LRBA: variants seen among roughly 807,000 people sequenced by gnomAD.
The protein encoded by LRBA is LPS responsive beige-like anchor protein.
Under a neutral mutation model 330.0 loss-of-function variants are expected in LRBA, and 176 were observed. The ratio of observed to expected loss-of-function variants is 0.53; its 90% CI spans 0.47 to 0.60. The LOEUF (loss-of-function observed/expected upper bound fraction) is 0.60, where lower values mean the gene tolerates loss of function less well. Among genes scored for constraint, LRBA ranks in the 20% least tolerant of loss-of-function variants. LRBA has a pLI of 0.00. For synonymous variants in LRBA, 1,230 were observed against 1,193.0 expected, an observed-to-expected ratio of 1.03 and a Z score of -0.64; for missense variants, 3,259 against 3,444.8, an observed-to-expected ratio of 0.95 and a Z score of 1.35.
At chr4:150,809,226 T>A (rs1043265185) in intron 31 of LRBA, among the ~76,000 whole-genome samples, 4 of 152,020 alleles carry the variant, frequency 2.6e-5, no homozygotes, top group Admixed American at 2.0e-4. Context: ...TATACAAACA[T>A]ACACACACAC....
At chr4:150,771,911 CCT>C (rs1736624414) in intron 34 of LRBA, among the ~76,000 whole-genome samples, 1 of 152,214 alleles carries the variant, frequency 6.6e-6, no homozygotes, top group South Asian at 2.1e-4. Context: ...TTAAAATTAT[CCT>C]CTGTTGAAGT....
At chr4:150,371,988 C>G (rs1740394630) in intron 47 of LRBA, among the ~76,000 whole-genome samples, 1 of 152,128 alleles carries the variant, frequency 6.6e-6, no homozygotes, top group Admixed American at 6.5e-5. Flanking sequence ...TCTCTGGAAG[C>G]CTTCCTTTTC....
At chr4:150,466,271 A>C (rs962971598) in intron 44 of LRBA, among the ~76,000 whole-genome samples, 8 of 144,646 alleles carry the variant, frequency 5.5e-5, no homozygotes, top group Non-Finnish European at 1.1e-4. Flanking sequence ...ATCTTCCTGG[A>C]ATGAGTAAAT....
intron 30 of LRBA, among the ~76,000 whole-genome samples, chr4:150,824,663 GATC>G (rs1745967698): frequency 6.6e-6 from 1 of 152,138 alleles, no homozygotes; most frequent in African/African-American, 2.4e-5. Flanking sequence ...CAATTGAAAT[GATC>G]ATATGGCTTT....
chr4:150,655,199 A>C (rs533484523), intron 37 of LRBA, among the ~76,000 whole-genome samples: 15 of 152,334 alleles, frequency 9.8e-5, no homozygotes, highest in African/African-American at 3.6e-4. Context: ...CATTTTAAAA[A>C]TATAAGCAAA....
intron 4 of LRBA, among the ~76,000 whole-genome samples, chr4:150,926,052 T>A (rs1733850070): frequency 6.6e-6 from 1 of 151,996 alleles, no homozygotes; most frequent in South Asian, 2.1e-4. Flanking sequence ...AAAGTCTCAG[T>A]GAGTTGGAAA....
chr4:150,599,009 T>C lies in LRBA; in HGVS notation c.6044A>G (p.His2015Arg), dbSNP rs779568951. 9.3e-6 allele frequency: 15 copies of C among 1,614,070 alleles called. No individual in the cohort carries two copies. Among genetic ancestry groups the C allele is most frequent in the Non-Finnish European group, 1.1e-5 (13 of 1,179,944 alleles). The part of the protein sequence containing the change: ...PEATLKTAVE[H>R]ATDEDILAKG... Reference sequence around the variant, plus strand: ...CAAGGAATGGTTTATACACTGACCATGTTCCACGGCTGTTTTTAGTGTCGC... The same window carrying C: ...CAAGGAATGGTTTATACACTGACCACGTTCCACGGCTGTTTTTAGTGTCGC... Residue 2015 changes from histidine to arginine, a missense_variant and splice_region_variant, in exon 38 of 57, where the codon CAT becomes CGT. Coordinates refer to ENST00000651943, the MANE Select transcript of LRBA (RefSeq NM_001364905.1).
intron 2 of LRBA, among the ~76,000 whole-genome samples, chr4:150,940,239 TA>T (rs11455731): frequency 1.7e-4 from 24 of 142,402 alleles, no homozygotes; most frequent in South Asian, 6.8e-4. Context: ...CCTGGTCTCT[TA>T]AAAAAAAAAA....
intron 19 of LRBA, among the ~76,000 whole-genome samples, chr4:150,870,939 G>A (rs1353793504): frequency 6.6e-6 from 1 of 152,068 alleles, no homozygotes; most frequent in East Asian, 1.9e-4. Context: ...TTTCAAAGCT[G>A]TACATTACAA....
chr4:150,289,837 A>G (rs1748619299), intron 53 of LRBA, among the ~76,000 whole-genome samples: 1 of 152,270 alleles, frequency 6.6e-6, no homozygotes, highest in Non-Finnish European at 1.5e-5. Flanking sequence ...TAGCAGATAT[A>G]TGATATGGGA....
At chr4:150,816,484 T>C (rs1214471686) in intron 31 of LRBA, among the ~76,000 whole-genome samples, 1 of 151,958 alleles carries the variant, frequency 6.6e-6, no homozygotes, top group African/African-American at 2.4e-5. Context: ...CATCCATATA[T>C]ATGCTTTTAT....
At chr4:150,600,757 T>C (rs1398444521) in intron 37 of LRBA, among the ~76,000 whole-genome samples, 1 of 152,142 alleles carries the variant, frequency 6.6e-6, no homozygotes, top group Non-Finnish European at 1.5e-5. Flanking sequence ...CCACAGAATA[T>C]ACATACAATC....
intron 36 of LRBA, among the ~76,000 whole-genome samples, chr4:150,685,020 A>C (rs1385006958): frequency 4.6e-5 from 7 of 152,098 alleles, no homozygotes; most frequent in Non-Finnish European, 1.5e-5. Context: ...GGCAAAGTTC[A>C]AGATTTAGTT....
At chr4:150,832,292 GTAATTA>G (rs1747324608) in intron 28 of LRBA, among the ~76,000 whole-genome samples, 2 of 152,028 alleles carry the variant, frequency 1.3e-5, no homozygotes, top group African/African-American at 2.4e-5. Flanking sequence ...CAAACAAACA[GTAATTA>G]TAATTATATG....
At chr4:150,539,447 C>T (rs1765080191) in intron 40 of LRBA, among the ~76,000 whole-genome samples, 1 of 152,140 alleles carries the variant, frequency 6.6e-6, no homozygotes, top group African/African-American at 2.4e-5. Flanking sequence ...GTTTATATTA[C>T]TTTCCTTATT....
intron 47 of LRBA, among the ~76,000 whole-genome samples, chr4:150,407,091 G>A (rs953823853): frequency 3.3e-5 from 5 of 152,004 alleles, no homozygotes; most frequent in Non-Finnish European, 5.9e-5. Context: ...CCTCAGTTGA[G>A]GATTTTGAGA....
chr4:151,014,854 G>T lies in LRBA; in HGVS notation c.-212C>A. ...CTCTCTCCCCGAGGCTGACAACAAC[G>T]CCAAACCCTATTGGAAGATTAAATA... On this transcript the variant is annotated 5_prime_UTR_variant, in exon 2 of 57. Coordinates refer to ENST00000651943, the MANE Select transcript of LRBA (RefSeq NM_001364905.1). 1.8e-6 allele frequency: 1 copy of T among 546,714 alleles called. No individual in the cohort carries two copies. Among genetic ancestry groups the T allele is most frequent in the Non-Finnish European group, 3.2e-6 (1 of 307,770 alleles). The allele number at this position is 546,714 out of a possible 1,614,324, so 33.9% of individuals were successfully genotyped here.
intron 36 of LRBA, among the ~76,000 whole-genome samples, chr4:150,690,952 C>G (rs1280403431): frequency 2.7e-5 from 3 of 109,498 alleles, no homozygotes; most frequent in Non-Finnish European, 5.4e-5. Flanking sequence ...TTTTTTTAGA[C>G]AGAGTCTCGC....
chr4:150,875,960 G>A (rs1753984154), intron 17 of LRBA, among the ~76,000 whole-genome samples: 1 of 152,088 alleles, frequency 6.6e-6, no homozygotes, highest in South Asian at 2.1e-4. Flanking sequence ...TGATATCCAA[G>A]ACAATGTTGA....
Sources: gnomAD v4.1 joint callset for allele counts (sites outside exome capture counted in the v4.1 genomes callset) on GRCh38, gnomAD v4.1.1 for gene constraint, MANE v1.5 for transcripts, NCBI Gene and HGNC (gene_info 2026-07-23, HGNC 2026-07-21) for gene names.